Variants in MIPEP observed in about 807,000 individuals in gnomAD.
MIPEP encodes the protein mitochondrial intermediate peptidase.
MIPEP carries 79 observed loss-of-function variants against 90.3 expected under a neutral mutation model. That is an observed-to-expected ratio of 0.87 (90% CI 0.73 to 1.05). The LOEUF is 1.05. MIPEP is among the 50% of genes least tolerant of loss of function. MIPEP has a pLI of 0.00. For missense variants in MIPEP, 940 were observed against 905.6 expected (o/e 1.04, Z -0.49); for synonymous variants, 334 against 315.8 (o/e 1.06, Z -0.61).
At chr13:23,749,408 A>C (rs1271187087) in intron 18 of MIPEP, among the ~76,000 whole-genome samples, 5 of 152,254 alleles carry the variant, frequency 3.3e-5, no homozygotes, top group African/African-American at 1.2e-4. Context: ...CTGTGTCACA[A>C]GACATCAAAC....
chr13:23,797,239 C>A (rs1340279447), intron 16 of MIPEP, among the ~76,000 whole-genome samples: 1 of 152,160 alleles, frequency 6.6e-6, no homozygotes, highest in Non-Finnish European at 1.5e-5. Flanking sequence ...CTGTTCCCTG[C>A]TGCCCCTTCC....
rs141693205 is a variant in MIPEP at position 23,760,142 on chromosome 13, C to T, written c.1924G>A (p.Ala642Thr). ...AAACACTCCTTCCAAACCATGGAGG[C>T]GACCGCTCTGGACATGAGGTAAGAG... is the stretch of plus-strand genomic sequence containing the variant. ...YYSYLMSRAV[A>T]SMVWKECFLQ... The change falls in exon 17 of 19, where the codon GCC becomes ACC. Residue 642 changes from alanine (A) to threonine (T), a missense_variant. Coordinates refer to ENST00000382172, the MANE Select transcript of MIPEP (RefSeq NM_005932.4). The T allele has an allele frequency of 2.3e-4, 377 of 1,614,134 alleles. 2 individuals carry two copies. The highest frequency in any genetic ancestry group is 4.7e-4 in the Admixed American group (28 of 60,012).
intron 14 of MIPEP, among the ~76,000 whole-genome samples, chr13:23,824,754 C>G (rs1037493359): frequency 6.6e-6 from 1 of 152,218 alleles, no homozygotes; most frequent in African/African-American, 2.4e-5. Flanking sequence ...GACAAAACCT[C>G]AAGCCTAAAT....
At chr13:23,887,103 T>C (rs549178726) in intron 1 of MIPEP, among the ~76,000 whole-genome samples, 2 of 152,182 alleles carry the variant, frequency 1.3e-5, no homozygotes, top group African/African-American at 4.8e-5. Flanking sequence ...GGAGGATGAG[T>C]TGACTATGAA....
chr13:23,797,370 A>T (rs1382871387), intron 16 of MIPEP, among the ~76,000 whole-genome samples: 2 of 152,154 alleles, frequency 1.3e-5, no homozygotes, highest in African/African-American at 4.8e-5. Flanking sequence ...GATATTCTAC[A>T]GTCACATCAA....
intron 4 of MIPEP, among the ~76,000 whole-genome samples, chr13:23,878,727 A>G (rs1871164788): frequency 6.6e-6 from 1 of 152,258 alleles, no homozygotes; most frequent in Non-Finnish European, 1.5e-5. Flanking sequence ...ATGCAGATTT[A>G]TAAATGTAGC....
chr13:23,841,777 A>C (rs551254499), intron 10 of MIPEP, among the ~76,000 whole-genome samples: 13 of 152,328 alleles, frequency 8.5e-5, no homozygotes, highest in African/African-American at 3.1e-4. Context: ...AAGCAGTCTC[A>C]ACTGCTCACT....
At chr13:23,813,740 C>T (rs1345320728) in intron 14 of MIPEP, among the ~76,000 whole-genome samples, 1 of 152,148 alleles carries the variant, frequency 6.6e-6, no homozygotes, top group Non-Finnish European at 1.5e-5. Context: ...GCTAAGACTA[C>T]AGGCATGAGC....
Position 23,889,307 on chromosome 13 carries a change from C to G in MIPEP, c.14G>C (p.Gly5Ala). Residue 5 changes from glycine (G) to alanine (A), a missense_variant, in exon 1 of 19, where the codon GGA (glycine) becomes GCA (alanine). Gly to Ala is a moderately conservative substitution (Grantham distance 60). Coordinates refer to ENST00000382172, the MANE Select transcript of MIPEP (RefSeq NM_005932.4). Reference sequence around the variant, plus strand: ...TCTGGCTCCCAAGCCGCCCAGCCTTCCGACGCACAGCATTCTAGCACCAGA... The same window carrying G: ...TCTGGCTCCCAAGCCGCCCAGCCTTGCGACGCACAGCATTCTAGCACCAGA... MLCV[G>A]RLGGLGARAA... is the part of the protein sequence containing the mutation. 3.0e-6 allele frequency: 4 copies of G among 1,349,640 alleles called. No individual in the cohort carries two copies. The highest frequency in any genetic ancestry group is 3.1e-5 in the African/African-American group (2 of 65,132). The allele number at this position is 1,349,640 out of a possible 1,614,324, so 83.6% of individuals were successfully genotyped here.
chr13:23,787,390 A>G (rs545225393), intron 16 of MIPEP, among the ~76,000 whole-genome samples: 164 of 131,114 alleles, frequency 1.3e-3, no homozygotes, highest in African/African-American at 4.5e-3. Flanking sequence ...GAGCAAGAGC[A>G]AGAGACGGGG....
rs1039262255 is a variant in MIPEP, at chr13:23,780,595, C to T, written c.1849-20378G>A. On this transcript the variant is annotated intron_variant, in intron 16 of 18. Coordinates refer to ENST00000382172, the MANE Select transcript of MIPEP (RefSeq NM_005932.4). Reference sequence around the variant, plus strand: ...GCTCCTCACCAGCAACGGAATAAAGCTGGATGGAGAATGACTTTGATGAGT... The same window carrying T: ...GCTCCTCACCAGCAACGGAATAAAGTTGGATGGAGAATGACTTTGATGAGT... 5.3e-5 allele frequency among the ~76,000 whole-genome samples: 8 copies of T among 152,298 alleles called. No homozygotes were observed. The East Asian group carries it at 9.6e-4, about 18-fold the overall frequency.
At chr13:23,812,854 C>T (rs1293339521) in intron 14 of MIPEP, among the ~76,000 whole-genome samples, 2 of 151,982 alleles carry the variant, frequency 1.3e-5, no homozygotes, top group African/African-American at 4.8e-5. Flanking sequence ...CATTGTAATA[C>T]AAAAAACATT....
At chr13:23,772,461 T>C (rs1315476092) in intron 16 of MIPEP, among the ~76,000 whole-genome samples, 1 of 152,200 alleles carries the variant, frequency 6.6e-6, no homozygotes, top group African/African-American at 2.4e-5. Context: ...TAGTATTCAC[T>C]ATAAATAATG....
chr13:23,851,563 A>T (rs1290603090), intron 10 of MIPEP, among the ~76,000 whole-genome samples: 1 of 152,240 alleles, frequency 6.6e-6, no homozygotes, highest in Non-Finnish European at 1.5e-5. Context: ...TGGGAACACC[A>T]CAGAGATCCC....
chr13:23,841,596 G>A, intron 10 of MIPEP, 108 bp from the exon 11 acceptor site: 5 of 1,192,140 alleles, frequency 4.2e-6, no homozygotes, highest in Non-Finnish European at 5.8e-6. Context: ...GCTAAAGAAG[G>A]ATTCAAAACA....
chr13:23,756,587 G>C lies in MIPEP; in HGVS notation c.2002C>G (p.Leu668Val), dbSNP rs1952493176. The C allele has an allele frequency of 6.2e-7, 1 of 1,613,780 alleles. No individual in the cohort carries two copies. Among genetic ancestry groups the C allele is most frequent in the Non-Finnish European group, 8.5e-7 (1 of 1,180,024 alleles). The change falls in exon 18 of 19, where the codon CTG becomes GTG. Residue 668 changes from leucine (L) to valine (V), a missense_variant. Leu to Val is a conservative substitution (Grantham distance 32). Transcript: ENST00000382172. Reference sequence around the variant, plus strand: ...GGCTCCCTGCCTCCACCGTGGGCCAGCATCTCCCTGCGATAGCGCTCCCCG... The same window carrying C: ...GGCTCCCTGCCTCCACCGTGGGCCACCATCTCCCTGCGATAGCGCTCCCCG... ...AAGERYRREM[L>V]AHGGGREPML...
At chr13:23,756,873 A>C (rs1952495649) in intron 17 of MIPEP, 1 of 469,310 alleles carries the variant, frequency 2.1e-6, no homozygotes, top group Non-Finnish European at 3.8e-6. Context: ...TTAACAAGAG[A>C]CCTCACTTTA....
At chr13:23,756,902 G>A in intron 17 of MIPEP, 1 of 392,302 alleles carries the variant, frequency 2.5e-6, no homozygotes, top group Non-Finnish European at 4.6e-6. Context: ...ATTAACTTAT[G>A]TATTATACAA....
intron 14 of MIPEP, among the ~76,000 whole-genome samples, chr13:23,826,237 C>A (rs1387524331): frequency 6.6e-6 from 1 of 152,010 alleles, no homozygotes; most frequent in African/African-American, 2.4e-5. Context: ...ATCTATCATT[C>A]TCATGGTAGA....
Sources: allele counts gnomAD v4.1 joint callset (sites outside exome capture counted in the v4.1 genomes callset), GRCh38; gene constraint gnomAD v4.1.1; transcripts MANE v1.5; gene names NCBI Gene and HGNC (gene_info 2026-07-23, HGNC 2026-07-21).